PARD3B: variants seen among roughly 807,000 people sequenced by gnomAD.
PARD3B encodes the protein par-3 family cell polarity regulator beta.
A neutral mutation model predicts 130.2 loss-of-function variants in PARD3B; 103 were observed. The observed-to-expected ratio is 0.79, with a 90% confidence interval of 0.67 to 0.93. The LOEUF is 0.93. Among genes scored for constraint, PARD3B ranks in the 40% least tolerant of loss-of-function variants. The pLI, the probability that PARD3B is intolerant of heterozygous loss-of-function variation, is 0.00. For missense variants in PARD3B, 1,609 were observed against 1,499.2 expected (o/e 1.07, Z -1.21); for synonymous variants, 583 against 553.2 (o/e 1.05, Z -0.76).
At chr2:204,963,648 G>A (rs550904364) in intron 2 of PARD3B, among the ~76,000 whole-genome samples, 16 of 152,148 alleles carry the variant, frequency 1.1e-4, no homozygotes, top group Non-Finnish European at 1.9e-4. Context: ...AAGATTTAAA[G>A]TGTTAAACTC....
rs539255171 is a variant in PARD3B at position 205,244,293 on chromosome 2, C to A, written c.2141-1485C>A. ...GTTAGGCGAAATGGAAGAGATTCTTCTTGTTAGCAAATTTCCCCTCGCCTT... is the reference window on the plus strand; with the variant it reads ...GTTAGGCGAAATGGAAGAGATTCTTATTGTTAGCAAATTTCCCCTCGCCTT... On this transcript the variant is annotated intron_variant, in intron 15 of 22. Transcript: ENST00000406610. The surrounding 1 kb of genome is among the most constrained non-coding windows in gnomAD (Gnocchi z 4.7). Among the ~76,000 whole-genome samples, 2 of 152,292 alleles carry A rather than the reference C, an allele frequency of 1.3e-5. No homozygotes were observed. The highest frequency in any genetic ancestry group is 6.5e-5 in the Admixed American group (1 of 15,310).
At chr2:204,811,144 G>A (rs1372969398) in intron 2 of PARD3B, among the ~76,000 whole-genome samples, 1 of 151,880 alleles carries the variant, frequency 6.6e-6, no homozygotes, top group African/African-American at 2.4e-5. Flanking sequence ...TTTTTGTGGG[G>A]TCAGTGGTAA....
chr2:205,239,309 T>A (rs2039246476), intron 15 of PARD3B, among the ~76,000 whole-genome samples: 1 of 152,186 alleles, frequency 6.6e-6, no homozygotes, highest in African/African-American at 2.4e-5. Context: ...CAAATAATTA[T>A]TCACCTAAAA....
chr2:205,564,841 C>G lies in PARD3B; in HGVS notation c.3260+11438C>G, dbSNP rs530633649. Among the ~76,000 whole-genome samples, 6 of 152,190 alleles carry G rather than the reference C, an allele frequency of 3.9e-5. No individual in the cohort carries two copies. Reference sequence around the variant, plus strand: ...AATGTGAGAGGGGTTGGTACAAAAACAGCAGCCTCCAGAACGTGTTCCTGC... The same window carrying G: ...AATGTGAGAGGGGTTGGTACAAAAAGAGCAGCCTCCAGAACGTGTTCCTGC... On this transcript the variant is annotated intron_variant, in intron 22 of 22. Coordinates refer to ENST00000406610, the MANE Select transcript of PARD3B (RefSeq NM_001302769.2). This position sits in a 1 kb window ranked among gnomAD's most constrained non-coding sequence, Gnocchi z 4.6.
At chr2:205,239,934 T>TTGTGTG (rs1468486568) in intron 15 of PARD3B, among the ~76,000 whole-genome samples, 3 of 152,072 alleles carry the variant, frequency 2.0e-5, no homozygotes, top group Admixed American at 6.6e-5. Flanking sequence ...AAGCCTTGTT[T>TTGTGTG]TGTGTGTGTG....
intron 3 of PARD3B, among the ~76,000 whole-genome samples, chr2:205,040,220 C>T (rs1698297250): frequency 6.6e-6 from 1 of 152,158 alleles, no homozygotes; most frequent in African/African-American, 2.4e-5. Flanking sequence ...CCTTGGCCTC[C>T]CAAAGTTCTG....
At chr2:204,727,472 A>G (rs1321251752) in intron 2 of PARD3B, among the ~76,000 whole-genome samples, 1 of 152,162 alleles carries the variant, frequency 6.6e-6, no homozygotes, top group Non-Finnish European at 1.5e-5. Context: ...AAATATGTGA[A>G]TTGTCTGTGG....
At chr2:205,442,955 G>A (rs1213664016) in intron 20 of PARD3B, among the ~76,000 whole-genome samples, 2 of 152,024 alleles carry the variant, frequency 1.3e-5, no homozygotes, top group Non-Finnish European at 1.5e-5. Context: ...AGTTTTCACC[G>A]CTGTCCTATT....
At chr2:205,201,046 C>G (rs1419569686) in intron 15 of PARD3B, among the ~76,000 whole-genome samples, 1 of 152,026 alleles carries the variant, frequency 6.6e-6, no homozygotes, top group Non-Finnish European at 1.5e-5. Flanking sequence ...GTTCCATATT[C>G]AATTATGGGT....
chr2:205,369,547 T>G (rs2044733106), intron 18 of PARD3B, among the ~76,000 whole-genome samples: 1 of 152,206 alleles, frequency 6.6e-6, no homozygotes, highest in African/African-American at 2.4e-5. Flanking sequence ...TTCAACTTGT[T>G]CTCCACTTGT....
In PARD3B at chr2:204,672,860, T is replaced by C. The variant is rs141555468; in HGVS notation, c.121-13321T>C. ...AGTAGTAATAATCACAGGCGCTGTT[T>C]ATTGCACATCTATTGTAAGAAGAGT... is the stretch of plus-strand genomic sequence containing the variant. On this transcript the variant is annotated intron_variant, in intron 1 of 22. Transcript: ENST00000406610. Among the ~76,000 whole-genome samples, 74 of 152,350 alleles carry C rather than the reference T, an allele frequency of 4.9e-4. 1 individual carries two copies. In the South Asian group the frequency reaches 0.015, roughly 32 times the overall value.
At chr2:204,970,015 A>G (rs1331563023) in intron 3 of PARD3B, among the ~76,000 whole-genome samples, 1 of 152,038 alleles carries the variant, frequency 6.6e-6, no homozygotes, top group East Asian at 1.9e-4. Flanking sequence ...TAACGTGGAT[A>G]TTTTAATAGA....
intron 10 of PARD3B, among the ~76,000 whole-genome samples, chr2:205,141,194 G>A (rs1475769762): frequency 6.6e-6 from 1 of 152,118 alleles, no homozygotes; most frequent in African/African-American, 2.4e-5. Flanking sequence ...GTTTTGAAAG[G>A]ACAAAAACTG....
intron 19 of PARD3B, among the ~76,000 whole-genome samples, chr2:205,404,684 TA>T (rs995917896): frequency 1.5e-4 from 22 of 149,356 alleles, no homozygotes; most frequent in South Asian, 4.2e-4. Flanking sequence ...TTCTTTCCTT[TA>T]AAAAAAAAAT....
At chr2:204,848,661 ATCTG>A (rs991159380) in intron 2 of PARD3B, among the ~76,000 whole-genome samples, 120 of 151,508 alleles carry the variant, frequency 7.9e-4, no homozygotes, top group African/African-American at 2.6e-3. Flanking sequence ...CTATCTATCT[ATCTG>A]TCTGTCTGTG....
chr2:204,867,605 G>C (rs2045475888), intron 2 of PARD3B, among the ~76,000 whole-genome samples: 1 of 152,082 alleles, frequency 6.6e-6, no homozygotes, highest in Non-Finnish European at 1.5e-5. Flanking sequence ...ATTGTTCCAT[G>C]TGCTTTGTGT....
intron 16 of PARD3B, among the ~76,000 whole-genome samples, chr2:205,246,176 G>A (rs1559582399): frequency 6.6e-6 from 1 of 151,022 alleles, no homozygotes; most frequent in African/African-American, 2.4e-5. Context: ...GCGGGACAGA[G>A]AATTCCAGAA....
intron 3 of PARD3B, among the ~76,000 whole-genome samples, chr2:205,023,321 G>A (rs934891927): frequency 3.9e-5 from 6 of 152,102 alleles, no homozygotes; most frequent in African/African-American, 7.2e-5. Context: ...ATAATTGTAC[G>A]TGGCAGCAAT....
intron 18 of PARD3B, among the ~76,000 whole-genome samples, chr2:205,344,199 TG>T (rs1374895573): frequency 5.1e-4 from 75 of 146,614 alleles, no homozygotes; most frequent in Admixed American, 3.2e-3. Context: ...TTGGTTTGTG[TG>T]TGTGTGTGTG....
Sources: allele counts gnomAD v4.1 joint callset (sites outside exome capture counted in the v4.1 genomes callset), GRCh38; gene constraint gnomAD v4.1.1; non-coding constraint Gnocchi (gnomAD v3.1); transcripts MANE v1.5; gene names NCBI Gene and HGNC (gene_info 2026-07-23, HGNC 2026-07-21).